NCOA2: variants seen among roughly 807,000 people sequenced by gnomAD.
The protein encoded by NCOA2 is nuclear receptor coactivator 2.
Under a neutral mutation model 145.1 loss-of-function variants are expected in NCOA2, and 21 were observed. That is an observed-to-expected ratio of 0.14 (90% confidence interval 0.10 to 0.21). NCOA2 has a LOEUF of 0.21. Ranked by LOEUF, NCOA2 falls within the 10% of genes least tolerant of loss-of-function variation. The pLI, the probability that NCOA2 is intolerant of heterozygous loss-of-function variation, is 1.00. For synonymous variants in NCOA2, 619 were observed against 637.5 expected (o/e 0.97, Z 0.44); for missense variants, 1,472 against 1,837.6 (o/e 0.80, Z 3.64).
intron 4 of NCOA2, among the ~76,000 whole-genome samples, chr8:70,183,207 A>G (rs765430968): frequency 6.6e-6 from 1 of 152,238 alleles, no homozygotes; most frequent in Non-Finnish European, 1.5e-5. Flanking sequence ...AGATTAGATG[A>G]AAGAAGGAAA....
At chr8:70,426,495 A>G in the NCOA2 span, among the ~76,000 whole-genome samples, 5 of 152,222 alleles carry the variant, frequency 3.3e-5, no homozygotes, top group African/African-American at 1.2e-4. Context: ...GAACTGACTA[A>G]AAGACCAGCA....
rs916083919 is a variant in NCOA2, at chr8:70,111,379, A to G, written c.*2253T>C. 6 of 223,272 alleles carry G rather than the reference A, an allele frequency of 2.7e-5. No individual in the cohort carries two copies. The highest frequency in any genetic ancestry group is 5.7e-5 in the Admixed American group (1 of 17,420). 13.8% of individuals were successfully genotyped at this position (223,272 alleles called of 1,614,324 possible). A position where few individuals can be genotyped will look rare whatever the true frequency, so the allele number is the denominator to read the frequency against. On this transcript the variant is annotated 3_prime_UTR_variant, in exon 23 of 23. Coordinates refer to ENST00000452400, the MANE Select transcript of NCOA2 (RefSeq NM_006540.4). The stretch of plus-strand genomic sequence containing the variant: ...GAAGTTAAAAGTCATTCTAATTCAC[A>G]TATTTCTGAACATTAAAACTGGTCA...
At chr8:70,394,066 T>C (rs1377908169) in intron 1 of NCOA2, among the ~76,000 whole-genome samples, 2 of 152,254 alleles carry the variant, frequency 1.3e-5, no homozygotes, top group South Asian at 2.1e-4. Flanking sequence ...AAGGAAAAGA[T>C]AGTCATGTGG....
At chr8:70,430,704 T>C in the NCOA2 span, among the ~76,000 whole-genome samples, 50 of 152,328 alleles carry the variant, frequency 3.3e-4, no homozygotes, top group Admixed American at 1.4e-3. Flanking sequence ...GTTGCTTCGT[T>C]TCTTAACTGG....
intron 2 of NCOA2, among the ~76,000 whole-genome samples, chr8:70,280,846 A>G (rs1211847632): frequency 6.6e-6 from 1 of 152,154 alleles, no homozygotes; most frequent in Non-Finnish European, 1.5e-5. Context: ...TTTTTCCAAA[A>G]GAATGACTTT....
the NCOA2 span, among the ~76,000 whole-genome samples, chr8:70,438,783 A>G: frequency 2.6e-5 from 4 of 152,182 alleles, no homozygotes; most frequent in African/African-American, 9.7e-5. Flanking sequence ...CCAATTTTAG[A>G]TTATTTTTTC....
intron 12 of NCOA2, among the ~76,000 whole-genome samples, chr8:70,146,383 A>G (rs1036061668): frequency 2.0e-5 from 3 of 152,260 alleles, no homozygotes; most frequent in African/African-American, 4.8e-5. Context: ...TAATACTAAG[A>G]TATTACAAAT....
At position 70,156,256 on chromosome 8, in the gene NCOA2, C is replaced by T. The variant is rs553510721; in HGVS notation, c.2109G>A (p.Leu703=). ...LLQDSSSPVD[L]AKLTAEATGK... ...CTGTGGCTTCTGCTGTTAACTTGGC[C>T]AAGTCCACAGGGGAACTGCTGTCCT... The change falls in exon 11 of 23, where the codon TTG becomes TTA. Residue 703 remains leucine (L), a synonymous_variant. Coordinates refer to ENST00000452400, the MANE Select transcript of NCOA2 (RefSeq NM_006540.4). 1.9e-5 allele frequency: 30 copies of T among 1,613,964 alleles called. No individual in the cohort carries two copies. In the South Asian group the frequency reaches 3.0e-4, roughly 16 times the overall value.
Position 70,113,658 on chromosome 8 carries a change from A to G in NCOA2, c.4384-15T>C. ...CAGCAATATTTCTGTAGGAAAACAG[A>G]TAAAAAGTTGTGAAACATCTTTGAG... On this transcript the variant is annotated splice_polypyrimidine_tract_variant and intron_variant, in intron 22 of 22. Coordinates refer to ENST00000452400, the MANE Select transcript of NCOA2 (RefSeq NM_006540.4). 3 of 1,551,620 alleles carry G rather than the reference A, an allele frequency of 1.9e-6. No homozygotes were observed. Among genetic ancestry groups the G allele is most frequent in the Non-Finnish European group, 1.7e-6 (2 of 1,146,854 alleles).
intron 4 of NCOA2, among the ~76,000 whole-genome samples, chr8:70,175,818 C>A (rs752959969): frequency 4.6e-5 from 7 of 151,944 alleles, no homozygotes; most frequent in African/African-American, 1.7e-4. Flanking sequence ...AAATAGAAAA[C>A]TGTAAATCAA....
the NCOA2 span, among the ~76,000 whole-genome samples, chr8:70,432,200 CT>C: frequency 0.027 from 4,053 of 152,296 alleles, 198 homozygotes; most frequent in African/African-American, 0.09. Flanking sequence ...AACAATTTCC[CT>C]GACAGTGAGG....
At chr8:70,214,278 A>C (rs1403713926) in intron 3 of NCOA2, among the ~76,000 whole-genome samples, 2 of 152,192 alleles carry the variant, frequency 1.3e-5, no homozygotes, top group African/African-American at 4.8e-5. Context: ...GTTTGTAATG[A>C]AACTATCTGT....
At chr8:70,218,607 T>C (rs958407950) in intron 2 of NCOA2, among the ~76,000 whole-genome samples, 5 of 152,174 alleles carry the variant, frequency 3.3e-5, no homozygotes, top group Non-Finnish European at 7.3e-5. Context: ...AAACCCTAAA[T>C]TCCAGAACCC....
intron 13 of NCOA2, among the ~76,000 whole-genome samples, chr8:70,143,929 A>C (rs1810741594): frequency 6.6e-6 from 1 of 152,258 alleles, no homozygotes; most frequent in African/African-American, 2.4e-5. Flanking sequence ...TACAGGGTAC[A>C]GGATGTGGAT....
In NCOA2 at chr8:70,150,496, C is replaced by T. The variant is rs1009619150; in HGVS notation, c.2395-2013G>A. On this transcript the variant is annotated intron_variant, in intron 11 of 22. Coordinates refer to ENST00000452400, the MANE Select transcript of NCOA2 (RefSeq NM_006540.4). ...TCACACTATTAGAGCCACAAGGGAACCAAAACCCAGCAAAGTCATGTCACC... is the reference window on the plus strand; with the variant it reads ...TCACACTATTAGAGCCACAAGGGAATCAAAACCCAGCAAAGTCATGTCACC... Among the ~76,000 whole-genome samples the T allele has an allele frequency of 5.9e-5, 9 of 152,302 alleles. 1 individual carries two copies. Among genetic ancestry groups the T allele is most frequent in the Middle Eastern group, 3.4e-3 (1 of 294 alleles).
chr8:70,358,454 C>T (rs1809932396), intron 1 of NCOA2, among the ~76,000 whole-genome samples: 1 of 152,172 alleles, frequency 6.6e-6, no homozygotes, highest in African/African-American at 2.4e-5. Context: ...TCCAGAAATA[C>T]ATTATCTATG....
chr8:70,225,984 T>C (rs187191997), intron 2 of NCOA2, among the ~76,000 whole-genome samples: 126 of 152,292 alleles, frequency 8.3e-4, no homozygotes, highest in Admixed American at 4.9e-3. Flanking sequence ...AGCTGGCATA[T>C]AGTAAGGGCT....
At chr8:70,220,657 C>T (rs1820058579) in intron 2 of NCOA2, among the ~76,000 whole-genome samples, 1 of 152,106 alleles carries the variant, frequency 6.6e-6, no homozygotes, top group Admixed American at 6.5e-5. Flanking sequence ...AATGTTAAAC[C>T]TCAACACAAT....
At chr8:70,135,033 G>A (rs974165895) in intron 15 of NCOA2, among the ~76,000 whole-genome samples, 5 of 152,046 alleles carry the variant, frequency 3.3e-5, no homozygotes, top group Non-Finnish European at 7.4e-5. Flanking sequence ...AAACGCCCCT[G>A]GAATAGGGTG....
Sources: gnomAD v4.1 joint callset for allele counts (sites outside exome capture counted in the v4.1 genomes callset) on GRCh38, gnomAD v4.1.1 for gene constraint, MANE v1.5 for transcripts, NCBI Gene and HGNC (gene_info 2026-07-23, HGNC 2026-07-21) for gene names.